Variants in GRM1 observed in about 807,000 individuals in gnomAD.
The protein encoded by GRM1 is glutamate metabotropic receptor 1, also known as metabotropic glutamate receptor 1.
In GRM1, 33 loss-of-function variants were observed where a neutral mutation model predicts 90.9. The ratio of observed to expected loss-of-function variants is 0.36; its 90% confidence interval spans 0.28 to 0.49. The LOEUF (loss-of-function observed/expected upper bound fraction) is 0.49, where lower values mean the gene tolerates loss of function less well. GRM1 is among the 20% of genes least tolerant of loss of function. The pLI is 0.99. For synonymous variants in GRM1, 700 were observed against 613.2 expected, an observed-to-expected ratio of 1.14 and a Z score of -2.09; for missense variants, 1,190 against 1,534.3, an observed-to-expected ratio of 0.78 and a Z score of 3.75.
At chr6:146,324,815 C>A (rs1784346706) in intron 3 of GRM1, among the ~76,000 whole-genome samples, 1 of 152,232 alleles carries the variant, frequency 6.6e-6, no homozygotes, top group Non-Finnish European at 1.5e-5. Context: ...GCAGAAACCA[C>A]CTGCCTTCTG....
intron 1 of GRM1, among the ~76,000 whole-genome samples, chr6:146,131,613 C>A (rs1776400962): frequency 6.6e-6 from 1 of 152,126 alleles, no homozygotes; most frequent in African/African-American, 2.4e-5. Context: ...GTTTGTCCAG[C>A]AGACTAATCA....
chr6:146,429,682 G>A (rs1260703056), intron 7 of GRM1, among the ~76,000 whole-genome samples: 5 of 152,140 alleles, frequency 3.3e-5, no homozygotes, highest in African/African-American at 7.2e-5. Context: ...CTGTAGCTGC[G>A]GGAGCCAGAG....
At chr6:146,413,414 A>AT (rs1233312396) in intron 7 of GRM1, among the ~76,000 whole-genome samples, 1 of 151,928 alleles carries the variant, frequency 6.6e-6, no homozygotes, top group Non-Finnish European at 1.5e-5. Context: ...ATGGATTTAC[A>AT]TTTTTTTAAT....
rs1562568908 is a variant in GRM1 at position 146,267,761 on chromosome 6, T to TCTCGTCTCG, written c.951-36850_951-36849insCTCGTCTCG. Among the ~76,000 whole-genome samples the TCTCGTCTCG allele has an allele frequency of 6.3e-5, 9 of 142,256 alleles. No individual in the cohort carries two copies. The East Asian group carries it at 9.3e-4, about 15-fold the overall frequency. The allele number at this position is 142,256 out of a possible 152,430, so 93.3% of individuals were successfully genotyped here. On this transcript the variant is annotated intron_variant, in intron 2 of 7. Coordinates refer to ENST00000282753, the MANE Select transcript of GRM1 (RefSeq NM_001278064.2). ...GTCTCGTCTCGTCTCGTCTCGTCTC[T>TCTCGTCTCG]TCATGTTTTTCTGCCTGCTTTATAT...
At chr6:146,100,655 T>G (rs1170036438) in intron 1 of GRM1, among the ~76,000 whole-genome samples, 1 of 152,226 alleles carries the variant, frequency 6.6e-6, no homozygotes, top group Non-Finnish European at 1.5e-5. Context: ...TAGCTTTATA[T>G]AGGTCTTGAT....
chr6:146,201,007 G>A (rs1241513016), intron 2 of GRM1, among the ~76,000 whole-genome samples: 1 of 152,134 alleles, frequency 6.6e-6, no homozygotes, highest in African/African-American at 2.4e-5. Flanking sequence ...GGGCAGACAT[G>A]GTGGTGGTTC....
At chr6:146,145,278 G>A (rs1263358151) in intron 1 of GRM1, among the ~76,000 whole-genome samples, 2 of 152,188 alleles carry the variant, frequency 1.3e-5, no homozygotes, top group African/African-American at 4.8e-5. Flanking sequence ...AGCACAGATA[G>A]AAGGAAGCTG....
intron 1 of GRM1, among the ~76,000 whole-genome samples, chr6:146,060,576 G>A (rs1775630808): frequency 6.6e-6 from 1 of 152,146 alleles, no homozygotes; most frequent in African/African-American, 2.4e-5. Context: ...CAGAGGACAT[G>A]ATCTTGTTTA....
chr6:146,241,502 T>C (rs1235162836), intron 2 of GRM1, among the ~76,000 whole-genome samples: 1 of 152,164 alleles, frequency 6.6e-6, no homozygotes, highest in Non-Finnish European at 1.5e-5. Flanking sequence ...TATTTATTTT[T>C]GTAAATGATG....
intron 6 of GRM1, among the ~76,000 whole-genome samples, chr6:146,397,347 G>T (rs1391430558): frequency 6.6e-6 from 1 of 151,560 alleles, no homozygotes; most frequent in Non-Finnish European, 1.5e-5. Context: ...GGTGGCGGGT[G>T]CCTGTAGCCC....
At chr6:146,353,629 A>G (rs938516341) in intron 4 of GRM1, among the ~76,000 whole-genome samples, 3 of 152,086 alleles carry the variant, frequency 2.0e-5, no homozygotes, top group African/African-American at 7.2e-5. Flanking sequence ...CGTGGCTGGC[A>G]ATCTTCTTTT....
At chr6:146,048,722 C>G (rs764516888) in intron 1 of GRM1, among the ~76,000 whole-genome samples, 2 of 152,030 alleles carry the variant, frequency 1.3e-5, no homozygotes, top group African/African-American at 2.4e-5. Flanking sequence ...AAAAAAGACA[C>G]GCACACAGGA....
intron 1 of GRM1, among the ~76,000 whole-genome samples, chr6:146,049,313 G>T (rs1332624684): frequency 6.6e-6 from 1 of 151,942 alleles, no homozygotes; most frequent in Non-Finnish European, 1.5e-5. Context: ...TTGAATCAAT[G>T]GGTTGAGCAA....
intron 2 of GRM1, among the ~76,000 whole-genome samples, chr6:146,285,671 A>T (rs1236940810): frequency 6.6e-6 from 1 of 152,136 alleles, no homozygotes; most frequent in Non-Finnish European, 1.5e-5. Flanking sequence ...ATTGCACTAT[A>T]TTCTATTTTC....
At chr6:146,091,415 T>A (rs940191539) in intron 1 of GRM1, among the ~76,000 whole-genome samples, 1 of 151,976 alleles carries the variant, frequency 6.6e-6, no homozygotes. Context: ...CTAATAGGGA[T>A]TTAGGTGGAA....
intron 7 of GRM1, among the ~76,000 whole-genome samples, chr6:146,409,354 A>G (rs1033361466): frequency 6.6e-6 from 1 of 152,186 alleles, no homozygotes; most frequent in Non-Finnish European, 1.5e-5. Context: ...TAGCACAGAG[A>G]GAAATACTGT....
chr6:146,173,032 G>A (rs2128895142), intron 2 of GRM1, among the ~76,000 whole-genome samples: 1 of 152,204 alleles, frequency 6.6e-6, no homozygotes, highest in East Asian at 1.9e-4. Context: ...AGTCTGGATG[G>A]ACTTTGGTAA....
At chr6:146,386,159 A>C (rs1197465847) in intron 5 of GRM1, among the ~76,000 whole-genome samples, 1 of 152,096 alleles carries the variant, frequency 6.6e-6, no homozygotes, top group East Asian at 1.9e-4. Context: ...CAAGACGTGC[A>C]CTTCAAATGG....
Position 146,357,784 on chromosome 6 carries a change from A to G in GRM1, c.1602+90A>G, listed in dbSNP as rs1294561995. On this transcript the variant is annotated intron_variant, in intron 5 of 7. Transcript: ENST00000282753. ...GAACAACACAGACAATTTTAAAAAC[A>G]TAACTGTCTAGAAAGGGTGTGCCAG... 5 of 1,047,178 alleles carry G rather than the reference A, an allele frequency of 4.8e-6. No homozygotes were observed. The East Asian group carries it at 1.0e-4, about 21-fold the overall frequency. 64.9% of individuals were successfully genotyped at this position (1,047,178 alleles called of 1,614,324 possible).
Sources: allele counts gnomAD v4.1 joint callset (sites outside exome capture counted in the v4.1 genomes callset), GRCh38; gene constraint gnomAD v4.1.1; transcripts MANE v1.5; gene names NCBI Gene and HGNC (gene_info 2026-07-23, HGNC 2026-07-21).